Variants in SCTR observed in about 807,000 individuals in gnomAD.
SCTR encodes the protein secretin receptor.
In SCTR, 56 loss-of-function variants were observed where a neutral mutation model predicts 60.8. The ratio of observed to expected loss-of-function variants is 0.92; its 90% CI spans 0.74 to 1.15. SCTR has a LOEUF of 1.15. Ranked by LOEUF, SCTR falls within the 50% of genes most tolerant of loss-of-function variation. The pLI, the probability that SCTR is intolerant of heterozygous loss-of-function variation, is 0.00. For missense variants in SCTR, 562 were observed against 550.4 expected, an observed-to-expected ratio of 1.02 and a Z score of -0.21; for synonymous variants, 202 against 217.0, an observed-to-expected ratio of 0.93 and a Z score of 0.61.
Position 119,439,890 on chromosome 2 carries a change from C to A in SCTR, c.*227G>T, listed in dbSNP as rs538765462. 9.7e-6 allele frequency: 5 copies of A among 516,364 alleles called. No individual in the cohort carries two copies. The highest frequency in any genetic ancestry group is 3.2e-5 in the South Asian group (1 of 31,348). The allele number at this position is 516,364 out of a possible 1,614,324, so 32.0% of individuals were successfully genotyped here. A position where few individuals can be genotyped will look rare whatever the true frequency, so the allele number is the denominator to read the frequency against. ...TTTATTTCCCTGTCCCTTTCTGGGA[C>A]CCCTGAACTTCTCTTCCCAGAAGAG... On this transcript the variant is annotated 3_prime_UTR_variant, in exon 13 of 13. Coordinates refer to ENST00000019103, the MANE Select transcript of SCTR (RefSeq NM_002980.3).
intron 1 of SCTR, among the ~76,000 whole-genome samples, chr2:119,501,244 A>C (rs1474039715): frequency 6.6e-6 from 1 of 152,168 alleles, no homozygotes; most frequent in Non-Finnish European, 1.5e-5. Flanking sequence ...CCCTGTCTCT[A>C]CTAAAAATAC....
Position 119,494,381 on chromosome 2 carries a change from C to T in SCTR, c.193+47G>A, listed in dbSNP as rs747297188. On this transcript the variant is annotated intron_variant, in intron 2 of 12. Coordinates refer to ENST00000019103, the MANE Select transcript of SCTR (RefSeq NM_002980.3). ...GCTCCCCCTGCCCAGCAGGACCGGA[C>T]ATGCTCCACCCCCAAGAGAGGACAT... is the stretch of plus-strand genomic sequence containing the variant. The T allele has an allele frequency of 1.6e-5, 25 of 1,599,752 alleles. No homozygotes were observed. The East Asian group carries it at 5.6e-4, about 36-fold the overall frequency.
At chr2:119,496,394 T>C (rs1678346444) in intron 1 of SCTR, among the ~76,000 whole-genome samples, 1 of 152,188 alleles carries the variant, frequency 6.6e-6, no homozygotes, top group Admixed American at 6.5e-5. Flanking sequence ...ATCCCACATG[T>C]GGGGAAAGCT....
At chr2:119,476,403 G>C (rs73951143) in intron 3 of SCTR, 20,727 of 152,252 alleles carry the variant, frequency 0.14, 1,561 homozygotes, top group South Asian at 0.27. Flanking sequence ...GGCCCTGCAG[G>C]CCCACAGCGA....
At chr2:119,519,624 G>A (rs991618539) in intron 1 of SCTR, among the ~76,000 whole-genome samples, 1 of 151,628 alleles carries the variant, frequency 6.6e-6, no homozygotes, top group Admixed American at 6.6e-5. Flanking sequence ...GGCCAATGTG[G>A]TGAAACCCCA....
chr2:119,465,077 C>CCA (rs1558849312), intron 5 of SCTR, among the ~76,000 whole-genome samples: 8 of 152,192 alleles, frequency 5.3e-5, no homozygotes, highest in Non-Finnish European at 1.2e-4. Flanking sequence ...GGGCTCCACC[C>CCA]TTCTCACCCT....
intron 7 of SCTR, among the ~76,000 whole-genome samples, chr2:119,456,904 A>G (rs1683396499): frequency 6.6e-6 from 1 of 152,176 alleles, no homozygotes; most frequent in African/African-American, 2.4e-5. Flanking sequence ...CTACAAACCA[A>G]GGAATGCCAA....
At chr2:119,455,379 A>C (rs1031368904) in intron 7 of SCTR, among the ~76,000 whole-genome samples, 1 of 152,282 alleles carries the variant, frequency 6.6e-6, no homozygotes, top group Non-Finnish European at 1.5e-5. Flanking sequence ...AAATAGGAAC[A>C]GACAGCCAAG....
chr2:119,442,572 C>T (rs1387691424), intron 11 of SCTR, among the ~76,000 whole-genome samples: 1 of 152,218 alleles, frequency 6.6e-6, no homozygotes, highest in Non-Finnish European at 1.5e-5. Flanking sequence ...TGTACAACTT[C>T]TCAGGGATAT....
At chr2:119,454,053 G>A (rs1020096000) in intron 7 of SCTR, among the ~76,000 whole-genome samples, 2 of 152,172 alleles carry the variant, frequency 1.3e-5, no homozygotes, top group Non-Finnish European at 2.9e-5. Flanking sequence ...GACAAAGACT[G>A]AGAAGGAAGG....
chr2:119,461,602 T>G (rs545086726), intron 7 of SCTR, among the ~76,000 whole-genome samples: 3 of 151,546 alleles, frequency 2.0e-5, no homozygotes, highest in Non-Finnish European at 4.4e-5. Context: ...TCCCAGCTAC[T>G]TGGGAAGCTG....
At chr2:119,508,706 T>C (rs1475532010) in intron 1 of SCTR, among the ~76,000 whole-genome samples, 3 of 152,150 alleles carry the variant, frequency 2.0e-5, no homozygotes, top group East Asian at 1.9e-4. Context: ...ATTTTTTTCA[T>C]TGATAAATAA....
intron 1 of SCTR, among the ~76,000 whole-genome samples, chr2:119,510,511 C>T (rs774008709): frequency 7.2e-5 from 11 of 152,168 alleles, no homozygotes; most frequent in Non-Finnish European, 1.3e-4. Context: ...AGCCCTTTTG[C>T]TATCTACATC....
intron 1 of SCTR, among the ~76,000 whole-genome samples, chr2:119,510,998 C>A (rs1277412833): frequency 6.6e-6 from 1 of 151,838 alleles, no homozygotes; most frequent in Non-Finnish European, 1.5e-5. Flanking sequence ...GAGATGGAGA[C>A]CATCCTGGCT....
intron 1 of SCTR, among the ~76,000 whole-genome samples, chr2:119,499,472 A>G (rs1429964963): frequency 6.6e-6 from 1 of 152,106 alleles, no homozygotes; most frequent in Non-Finnish European, 1.5e-5. Context: ...TGGGCCATAA[A>G]ACAAAACACA....
At chr2:119,497,768 G>A in intron 1 of SCTR, among the ~76,000 whole-genome samples, 1 of 152,068 alleles carries the variant, frequency 6.6e-6, no homozygotes. Context: ...GGAAGGAAGG[G>A]TGGATAGAGA....
In SCTR at chr2:119,444,908, T is replaced by C. The variant is rs1441167717; in HGVS notation, c.1140+1851A>G. On this transcript the variant is annotated intron_variant, in intron 11 of 12. Coordinates refer to ENST00000019103, the MANE Select transcript of SCTR (RefSeq NM_002980.3). ...ATATATTCGTACGAATATATATACA[T>C]ATATTCGTACGAATATACACATATA... Among the ~76,000 whole-genome samples, 7 of 18,172 alleles carry C rather than the reference T, an allele frequency of 3.9e-4. 3 individuals are homozygous for C. Among genetic ancestry groups the C allele is most frequent in the Admixed American group, 1.6e-3 (3 of 1,924 alleles). The allele number at this position is 18,172 out of a possible 152,430, so 11.9% of individuals were successfully genotyped here. A position where few individuals can be genotyped will look rare whatever the true frequency, so the allele number is the denominator to read the frequency against.
At chr2:119,464,473 C>A (rs943626328) in intron 5 of SCTR, among the ~76,000 whole-genome samples, 7 of 151,478 alleles carry the variant, frequency 4.6e-5, no homozygotes, top group Non-Finnish European at 8.8e-5. Context: ...AAAAAAAGGC[C>A]AGCCACAGTG....
chr2:119,509,189 T>C (rs1678854616), intron 1 of SCTR, among the ~76,000 whole-genome samples: 1 of 152,142 alleles, frequency 6.6e-6, no homozygotes, highest in South Asian at 2.1e-4. Context: ...CATCTTAGAA[T>C]GAATGACAGG....
Sources: gnomAD v4.1 joint callset for allele counts (sites outside exome capture counted in the v4.1 genomes callset) on GRCh38, gnomAD v4.1.1 for gene constraint, MANE v1.5 for transcripts, NCBI Gene and HGNC (gene_info 2026-07-23, HGNC 2026-07-21) for gene names.